The following GAREM1 variants were observed in gnomAD, a reference collection of about 807,000 sequenced individuals.
GAREM1 encodes the protein GRB2 associated regulator of MAPK1 subtype 1, also known as GRB2-associated and regulator of MAPK protein 1.
A neutral mutation model predicts 71.3 loss-of-function variants in GAREM1; 26 were observed. That is an observed-to-expected ratio of 0.36 (90% CI 0.27 to 0.51). The LOEUF (loss-of-function observed/expected upper bound fraction) is 0.51. GAREM1 is among the 20% of genes least tolerant of loss of function. The pLI, the probability that GAREM1 is intolerant of heterozygous loss-of-function variation, is 0.95. For missense variants in GAREM1, 1,026 were observed against 1,103.1 expected, an observed-to-expected ratio of 0.93 and a Z score of 0.99; for synonymous variants, 440 against 433.2, an observed-to-expected ratio of 1.02 and a Z score of -0.20.
chr18:32,364,021 TATA>T (rs1567980783), intron 2 of GAREM1, among the ~76,000 whole-genome samples: 20 of 71,856 alleles, frequency 2.8e-4, no homozygotes, highest in East Asian at 1.8e-3. Context: ...TATATATATA[TATA>T]TATGTTTTTT....
chr18:32,469,463 A>T (rs965112767), intron 1 of GAREM1, among the ~76,000 whole-genome samples: 1 of 152,212 alleles, frequency 6.6e-6, no homozygotes, highest in Non-Finnish European at 1.5e-5. Flanking sequence ...GAGAAGACCA[A>T]ACACACCTAA....
intron 1 of GAREM1, 43 bp from the exon 2 acceptor site, chr18:32,393,078 C>A: frequency 6.3e-7 from 1 of 1,580,154 alleles, no homozygotes; most frequent in Non-Finnish European, 8.6e-7. Context: ...AATTCATAAT[C>A]TGCTTTCTCC....
chr18:32,466,094 TA>T (rs1449337871), intron 1 of GAREM1, among the ~76,000 whole-genome samples: 1 of 152,156 alleles, frequency 6.6e-6, no homozygotes, highest in African/African-American at 2.4e-5. Context: ...TTCTTTGTTT[TA>T]AAAACAACCA....
At chr18:32,326,249 C>T (rs2047474427) in intron 2 of GAREM1, among the ~76,000 whole-genome samples, 1 of 152,194 alleles carries the variant, frequency 6.6e-6, no homozygotes, top group African/African-American at 2.4e-5. Flanking sequence ...TGGGAAATAA[C>T]AAGTGTGATC....
chr18:32,389,373 C>T (rs1161131101), intron 2 of GAREM1, among the ~76,000 whole-genome samples: 1 of 152,142 alleles, frequency 6.6e-6, no homozygotes, highest in Non-Finnish European at 1.5e-5. Flanking sequence ...TAGTGGTAAA[C>T]ACTCTGAAAG....
chr18:32,290,642 G>GAAAAAAAAAAAAAA (rs586596), intron 3 of GAREM1, among the ~76,000 whole-genome samples: 1 of 75,600 alleles, frequency 1.3e-5, no homozygotes. Flanking sequence ...CAGACTGTCT[G>GAAAAAAAAAAAAAA]AAAAAAAAAA....
Position 32,363,824 on chromosome 18 carries a change from C to T in GAREM1, c.262+29071G>A, listed in dbSNP as rs564655512. Among the ~76,000 whole-genome samples the T allele has an allele frequency of 1.3e-3, 196 of 150,892 alleles. 1 individual carries two copies. The highest frequency in any genetic ancestry group is 4.5e-3 in the African/African-American group (184 of 41,054). On this transcript the variant is annotated intron_variant, in intron 2 of 5. Transcript: ENST00000269209. ...CTTCCTACAACTTTTTGAAATGTCA[C>T]AGGAGAAAACCTTGCCACAGCTGAC...
chr18:32,452,914 G>T (rs1354572205), intron 1 of GAREM1, among the ~76,000 whole-genome samples: 1 of 150,932 alleles, frequency 6.6e-6, no homozygotes, highest in Non-Finnish European at 1.5e-5. Context: ...ACTTATATAG[G>T]TATGTATGTG....
intron 1 of GAREM1, among the ~76,000 whole-genome samples, chr18:32,436,160 A>G (rs1238733289): frequency 6.6e-6 from 1 of 152,226 alleles, no homozygotes; most frequent in Non-Finnish European, 1.5e-5. Flanking sequence ...TAAAAGATAA[A>G]GGGAAGACAA....
chr18:32,443,966 G>A (rs950478965), intron 1 of GAREM1, among the ~76,000 whole-genome samples: 1 of 152,142 alleles, frequency 6.6e-6, no homozygotes, highest in African/African-American at 2.4e-5. Context: ...AACATCCTAC[G>A]ACATGATGAA....
intron 2 of GAREM1, among the ~76,000 whole-genome samples, chr18:32,362,000 T>C (rs1312636334): frequency 6.6e-6 from 1 of 152,154 alleles, no homozygotes; most frequent in Non-Finnish European, 1.5e-5. Context: ...AAAATCAAAG[T>C]TTATAAACCA....
At chr18:32,411,045 T>C (rs1167093546) in intron 1 of GAREM1, among the ~76,000 whole-genome samples, 2 of 152,148 alleles carry the variant, frequency 1.3e-5, no homozygotes, top group Admixed American at 6.6e-5. Flanking sequence ...TCAAGTGATC[T>C]GCCCACCTCA....
chr18:32,358,927 C>T (rs879659694), intron 2 of GAREM1, among the ~76,000 whole-genome samples: 5 of 152,132 alleles, frequency 3.3e-5, no homozygotes, highest in Admixed American at 6.5e-5. Flanking sequence ...TTCAAAACGG[C>T]GACAGCAGAG....
chr18:32,410,342 T>G (rs1232002106), intron 1 of GAREM1, among the ~76,000 whole-genome samples: 2 of 152,144 alleles, frequency 1.3e-5, no homozygotes. Context: ...AAATTGTGGT[T>G]TACTTATATT....
At chr18:32,285,236 C>T (rs2047001130) in intron 4 of GAREM1, among the ~76,000 whole-genome samples, 1 of 152,198 alleles carries the variant, frequency 6.6e-6, no homozygotes, top group Non-Finnish European at 1.5e-5. Context: ...AAGGGCAAGT[C>T]CAGACCTGTA....
intron 3 of GAREM1, 143 bp from the exon 4 acceptor site, chr18:32,288,346 T>C (rs2047048295): frequency 1.6e-6 from 1 of 616,192 alleles, no homozygotes; most frequent in African/African-American, 1.8e-5. Context: ...CCTCATTTCT[T>C]TTATTATACT....
chr18:32,368,583 C>G (rs2047948037), intron 2 of GAREM1, among the ~76,000 whole-genome samples: 1 of 152,174 alleles, frequency 6.6e-6, no homozygotes, highest in Non-Finnish European at 1.5e-5. Flanking sequence ...TTTATAACCT[C>G]TAGATGGCAG....
At chr18:32,434,368 A>G (rs1190040698) in intron 1 of GAREM1, among the ~76,000 whole-genome samples, 1 of 152,150 alleles carries the variant, frequency 6.6e-6, no homozygotes, top group Non-Finnish European at 1.5e-5. Context: ...GGCTGTCACT[A>G]GTTGTAATAA....
intron 1 of GAREM1, among the ~76,000 whole-genome samples, chr18:32,425,011 C>T (rs1321302885): frequency 6.6e-6 from 1 of 152,110 alleles, no homozygotes; most frequent in Non-Finnish European, 1.5e-5. Context: ...AAATTCTGTA[C>T]CAGTCCCAAT....
Sources: gnomAD v4.1 joint callset for allele counts (sites outside exome capture counted in the v4.1 genomes callset) on GRCh38, gnomAD v4.1.1 for gene constraint, MANE v1.5 for transcripts, NCBI Gene and HGNC (gene_info 2026-07-23, HGNC 2026-07-21) for gene names.